The following IRS2 variants were observed in gnomAD, a reference collection of about 807,000 sequenced individuals.
IRS2 encodes the protein insulin receptor substrate 2.
IRS2 carries 28 observed loss-of-function variants against 70.9 expected under a neutral mutation model. The observed-to-expected ratio is 0.39, with a 90% CI of 0.29 to 0.54. The LOEUF (loss-of-function observed/expected upper bound fraction) is 0.54, where lower values mean the gene tolerates loss of function less well. Ranked by LOEUF, IRS2 falls within the 20% of genes least tolerant of loss-of-function variation. The pLI is 0.59. For synonymous variants in IRS2, 1,217 were observed against 981.9 expected (o/e 1.24, Z -4.48); for missense variants, 2,081 against 2,024.1 (o/e 1.03, Z -0.54).
chr13:109,781,931 G>A, intron 1 of IRS2, 111 bp downstream of exon 1: 1 of 1,226,866 alleles, frequency 8.2e-7, no homozygotes, highest in Non-Finnish European at 1.2e-6. Flanking sequence ...GTGCCAGGCT[G>A]TCGGCTTCTG....
At position 109,784,685 on chromosome 13, in the gene IRS2, C is replaced by T; in HGVS notation, c.1369G>A (p.Gly457Ser). 8.1e-7 allele frequency: 1 copy of T among 1,238,786 alleles called. No homozygotes were observed. Among genetic ancestry groups the T allele is most frequent in the Non-Finnish European group, 1.0e-6 (1 of 994,048 alleles). The allele number at this position is 1,238,786 out of a possible 1,614,324, so 76.7% of individuals were successfully genotyped here. Residue 457 changes from glycine to serine, a missense_variant, in exon 1 of 2, where the codon GGC (glycine) becomes AGC (serine). Gly to Ser is a moderately conservative substitution (Grantham distance 56). Around this residue, in one of 4 missense-constraint regions of IRS2, gnomAD observed 1,615 missense variants for 1,459.5 expected, o/e 1.11. Transcript: ENST00000375856. The surrounding 1 kb of genome is among the most constrained non-coding windows in gnomAD (Gnocchi z 5.2). ...SLSSSSGHGS[G>S]SYPPPPGPHP... ...GGGCCGGGCGGCGGCGGGTAGGAGC[C>T]CGAGCCGTGGCCGCTGCTGGACGAC...
At position 109,754,213 on chromosome 13, in the gene IRS2, C is replaced by T. The variant is rs913205504; in HGVS notation, c.*2091G>A. On this transcript the variant is annotated 3_prime_UTR_variant, in exon 2 of 2. Coordinates refer to ENST00000375856, the MANE Select transcript of IRS2 (RefSeq NM_003749.3). Reference sequence around the variant, plus strand: ...AGTTTTAGCAAACATAACATTTATACATTTTGGTTCCATTCTGTAAACTAA... The same window carrying T: ...AGTTTTAGCAAACATAACATTTATATATTTTGGTTCCATTCTGTAAACTAA... 4.3e-6 allele frequency: 1 copy of T among 231,620 alleles called. No homozygotes were observed. Among genetic ancestry groups the T allele is most frequent in the Non-Finnish European group, 8.6e-6 (1 of 116,876 alleles). 14.3% of individuals were successfully genotyped at this position (231,620 alleles called of 1,614,324 possible). A position where few individuals can be genotyped will look rare whatever the true frequency, so the allele number is the denominator to read the frequency against.
At chr13:109,757,019 C>A (rs776131617) in intron 1 of IRS2, among the ~76,000 whole-genome samples, 1 of 152,186 alleles carries the variant, frequency 6.6e-6, no homozygotes, top group East Asian at 1.9e-4. Context: ...TTTACCCTTT[C>A]GCTGTGCTCA....
At position 109,784,722 on chromosome 13, in the gene IRS2, G is replaced by A; in HGVS notation, c.1332C>T (p.Ser444=). 1 of 1,236,052 alleles carries A rather than the reference G, an allele frequency of 8.1e-7. No individual in the cohort carries two copies. Among genetic ancestry groups the A allele is most frequent in the East Asian group, 3.3e-5 (1 of 30,010 alleles). 76.6% of individuals were successfully genotyped at this position (1,236,052 alleles called of 1,614,324 possible). Residue 444 remains serine, a synonymous_variant, in exon 1 of 2, where the codon AGC becomes AGT. Coordinates refer to ENST00000375856, the MANE Select transcript of IRS2 (RefSeq NM_003749.3). This position sits in a 1 kb window ranked among gnomAD's most constrained non-coding sequence, Gnocchi z 5.2. Reference sequence around the variant, plus strand: ...CGCTGCTGGACGACAGGGAGCCGGGGCTGGTGGCGGCGGGCGGCGAGTGCG... The same window carrying A: ...CGCTGCTGGACGACAGGGAGCCGGGACTGGTGGCGGCGGGCGGCGAGTGCG... The part of the protein sequence containing the change: ...PVAHSPPAAT[S]PGSLSSSSGH...
chr13:109,783,463 G>A lies in IRS2; in HGVS notation c.2591C>T (p.Pro864Leu), dbSNP rs1877791608. ...FGAGPTQPPH[P>L]VVPSPVRPSG... The stretch of plus-strand genomic sequence containing the variant: ...AGGCCGCACGGGCGAAGGCACTACA[G>A]GGTGAGGGGGCTGCGTGGGGCCGGC... Residue 864 changes from proline (P) to leucine (L), a missense_variant, in exon 1 of 2, where the codon CCT (proline) becomes CTT (leucine). Transcript: ENST00000375856. 10 of 1,539,612 alleles carry A rather than the reference G, an allele frequency of 6.5e-6. No individual in the cohort carries two copies. The highest frequency in any genetic ancestry group is 2.4e-5 in the South Asian group (2 of 83,958).
At chr13:109,775,371 G>C (rs113563492) in intron 1 of IRS2, among the ~76,000 whole-genome samples, 1 of 151,672 alleles carries the variant, frequency 6.6e-6, no homozygotes, top group Admixed American at 6.6e-5. Context: ...CACCCACCTC[G>C]GCCTCCCAAA....
chr13:109,783,729 G>C lies in IRS2; in HGVS notation c.2325C>G (p.Val775=). The change falls in exon 1 of 2, where the codon GTC becomes GTG. Residue 775 remains valine, a synonymous_variant. Coordinates refer to ENST00000375856, the MANE Select transcript of IRS2 (RefSeq NM_003749.3). ...AGAAGTCGGGCGGGGTGCCCGTGGT[G>C]ACCGCGTCGCTGGGGGACACGTTGA... ...DYLNVSPSDA[V]TTGTPPDFFS... The C allele has an allele frequency of 6.3e-7, 1 of 1,580,002 alleles. No individual in the cohort carries two copies. Among genetic ancestry groups the C allele is most frequent in the Non-Finnish European group, 8.6e-7 (1 of 1,163,124 alleles).
chr13:109,761,250 G>A (rs531525966), intron 1 of IRS2, among the ~76,000 whole-genome samples: 6 of 152,330 alleles, frequency 3.9e-5, no homozygotes, highest in African/African-American at 1.4e-4. Flanking sequence ...CCACCCAGAG[G>A]CCAAATTCAT....
rs746497031 is a variant in IRS2, at chr13:109,785,293, A to G, written c.761T>C (p.Phe254Ser). Reference protein sequence around the residue: ...NIRRCGHSDSFFFIEVGRSAV... With the variant: ...NIRRCGHSDSSFFIEVGRSAV... Reference sequence around the variant, plus strand: ...CGAGCGGCCCACCTCGATGAAGAAGAAGCTGTCCGAGTGGCCGCAGCGGCG... The same window carrying G: ...CGAGCGGCCCACCTCGATGAAGAAGGAGCTGTCCGAGTGGCCGCAGCGGCG... Residue 254 changes from phenylalanine (F) to serine (S), a missense_variant, in exon 1 of 2, where the codon TTC becomes TCC. By Grantham distance (155) the Phe-to-Ser change is radical. Around this residue, in one of 4 missense-constraint regions of IRS2, gnomAD observed 35 missense variants for 78.6 expected, o/e 0.45. Coordinates refer to ENST00000375856, the MANE Select transcript of IRS2 (RefSeq NM_003749.3). The surrounding 1 kb of genome is among the most constrained non-coding windows in gnomAD (Gnocchi z 9.3). The G allele has an allele frequency of 1.9e-6, 3 of 1,609,064 alleles. No individual in the cohort carries two copies. Among genetic ancestry groups the G allele is most frequent in the Non-Finnish European group, 2.5e-6 (3 of 1,178,526 alleles).
At chr13:109,774,330 A>G (rs1318028425) in intron 1 of IRS2, among the ~76,000 whole-genome samples, 3 of 152,170 alleles carry the variant, frequency 2.0e-5, no homozygotes, top group South Asian at 2.1e-4. Flanking sequence ...ATTCACTAGT[A>G]ACATCACAGC....
intron 1 of IRS2, 66 bp from the exon 2 acceptor site, chr13:109,756,374 G>A: frequency 6.9e-7 from 1 of 1,441,810 alleles, no homozygotes; most frequent in Non-Finnish European, 9.8e-7. Context: ...TGGAGTTCCA[G>A]AAAGGGCCCC....
chr13:109,784,769 G>C lies in IRS2; in HGVS notation c.1285C>G (p.Arg429Gly). ...LPAGGALQHS[R>G]SMSMPVAHSP... is the part of the protein sequence containing the mutation. ...TGCGCCACGGGCATGGACATGGAGCGGCTGTGTTGCAGCGCGCCCCCTGCC... is the reference window on the plus strand; with the variant it reads ...TGCGCCACGGGCATGGACATGGAGCCGCTGTGTTGCAGCGCGCCCCCTGCC... Residue 429 changes from arginine to glycine, a missense_variant, in exon 1 of 2, where the codon CGC becomes GGC. Physicochemically the swap from Arg to Gly is moderately radical, Grantham distance 125. Around this residue, in one of 4 missense-constraint regions of IRS2, gnomAD observed 1,615 missense variants for 1,459.5 expected, o/e 1.11. Coordinates refer to ENST00000375856, the MANE Select transcript of IRS2 (RefSeq NM_003749.3). This position sits in a 1 kb window ranked among gnomAD's most constrained non-coding sequence, Gnocchi z 5.2. The C allele has an allele frequency of 8.0e-7, 1 of 1,252,562 alleles. No individual in the cohort carries two copies. The allele number at this position is 1,252,562 out of a possible 1,614,324, so 77.6% of individuals were successfully genotyped here. A position where few individuals can be genotyped will look rare whatever the true frequency, so the allele number is the denominator to read the frequency against.
chr13:109,786,227 G>C lies in IRS2; in HGVS notation c.-174C>G, dbSNP rs186414753. ...GGTCCGGGGAGGCCCGCGGGGGCCA[G>C]CACCGCTCGGCGGCGCCGCGCCCTC... is the stretch of plus-strand genomic sequence containing the variant. On this transcript the variant is annotated 5_prime_UTR_variant, in exon 1 of 2. Coordinates refer to ENST00000375856, the MANE Select transcript of IRS2 (RefSeq NM_003749.3). The surrounding 1 kb of genome is among the most constrained non-coding windows in gnomAD (Gnocchi z 4.4). 2,234 of 189,624 alleles carry C rather than the reference G, an allele frequency of 0.012. 67 individuals are homozygous for C. Among genetic ancestry groups the C allele is most frequent in the African/African-American group, 0.051 (2,131 of 41,768 alleles). 11.7% of individuals were successfully genotyped at this position (189,624 alleles called of 1,614,324 possible).
rs1877100452 is a variant in IRS2 at position 109,756,061 on chromosome 13, C to G, written c.*243G>C. 4 of 483,598 alleles carry G rather than the reference C, an allele frequency of 8.3e-6. No homozygotes were observed. In the South Asian group the frequency reaches 1.5e-4, roughly 18 times the overall value. 30.0% of individuals were successfully genotyped at this position (483,598 alleles called of 1,614,324 possible). A position where few individuals can be genotyped will look rare whatever the true frequency, so the allele number is the denominator to read the frequency against. ...ACTTCTTCAGCTAATTTTGTTAAAACAAAACAAAACAAAACGCAAACAGCA... is the reference window on the plus strand; with the variant it reads ...ACTTCTTCAGCTAATTTTGTTAAAAGAAAACAAAACAAAACGCAAACAGCA... On this transcript the variant is annotated 3_prime_UTR_variant, in exon 2 of 2. Transcript: ENST00000375856.
intron 1 of IRS2, among the ~76,000 whole-genome samples, chr13:109,777,996 C>T (rs1188407748): frequency 6.6e-6 from 1 of 152,216 alleles, no homozygotes; most frequent in Non-Finnish European, 1.5e-5. Flanking sequence ...CATTTTCAGA[C>T]TATGCTGTTA....
In IRS2 at chr13:109,756,147, G is replaced by T; in HGVS notation, c.*157C>A. 1 of 664,442 alleles carries T rather than the reference G, an allele frequency of 1.5e-6. No homozygotes were observed. Among genetic ancestry groups the T allele is most frequent in the Non-Finnish European group, 2.7e-6 (1 of 363,950 alleles). The allele number at this position is 664,442 out of a possible 1,614,324, so 41.2% of individuals were successfully genotyped here. ...AGGCAGGTGACCTTGCCTTGTTGGTGCCTCATCTAACAGAGTCCACAGATG... is the reference window on the plus strand; with the variant it reads ...AGGCAGGTGACCTTGCCTTGTTGGTTCCTCATCTAACAGAGTCCACAGATG... On this transcript the variant is annotated 3_prime_UTR_variant, in exon 2 of 2. Transcript: ENST00000375856.
chr13:109,780,567 A>G (rs761309207), intron 1 of IRS2, among the ~76,000 whole-genome samples: 23 of 152,178 alleles, frequency 1.5e-4, no homozygotes, highest in African/African-American at 3.1e-4. Context: ...CCCCACAGCT[A>G]TAATTTTAAA....
In IRS2 at chr13:109,756,015, C is replaced by T. The variant is rs1170396571; in HGVS notation, c.*289G>A. 8.6e-6 allele frequency: 4 copies of T among 466,684 alleles called. No homozygotes were observed. The highest frequency in any genetic ancestry group is 7.7e-5 in the African/African-American group (4 of 51,686). 28.9% of individuals were successfully genotyped at this position (466,684 alleles called of 1,614,324 possible). A position where few individuals can be genotyped will look rare whatever the true frequency, so the allele number is the denominator to read the frequency against. The stretch of plus-strand genomic sequence containing the variant: ...CACAATTTAAGAAGGCCAATGAAAA[C>T]ATCCAATTTTCTTGAGAATAACTTC... On this transcript the variant is annotated 3_prime_UTR_variant, in exon 2 of 2. Transcript: ENST00000375856.
At chr13:109,775,753 A>AACACACACCC (rs1555316117) in intron 1 of IRS2, among the ~76,000 whole-genome samples, 1 of 140,462 alleles carries the variant, frequency 7.1e-6, no homozygotes, top group Admixed American at 7.1e-5. Context: ...ATATTATGGA[A>AACACACACCC]ACACACACAC....
Sources: allele counts gnomAD v4.1 joint callset (sites outside exome capture counted in the v4.1 genomes callset), GRCh38; gene constraint gnomAD v4.1.1; regional missense constraint gnomAD v4.1.1; non-coding constraint Gnocchi (gnomAD v3.1); transcripts MANE v1.5; gene names NCBI Gene and HGNC (gene_info 2026-07-23, HGNC 2026-07-21).